The following DAO variants were observed in gnomAD, a reference collection of about 807,000 sequenced individuals.
DAO encodes D-amino acid oxidase.
In DAO, 51 loss-of-function variants were observed where a neutral mutation model predicts 50.1. The observed-to-expected ratio is 1.02, with a 90% CI of 0.81 to 1.29. The LOEUF is 1.29. DAO is among the 50% of genes most tolerant of loss of function. DAO has a pLI of 0.00. For missense variants in DAO, 436 were observed against 439.4 expected, an observed-to-expected ratio of 0.99 and a Z score of 0.07; for synonymous variants, 160 against 166.2, an observed-to-expected ratio of 0.96 and a Z score of 0.29.
chr12:108,898,645 T>C (rs765463721), intron 8 of DAO, 34 bp from the exon 9 acceptor site: 1 of 1,417,700 alleles, frequency 7.1e-7, no homozygotes, highest in Admixed American at 1.7e-5. Flanking sequence ...GCCTTCATTT[T>C]CCTTCATCCT....
At chr12:108,889,588 G>T (rs754159149) in intron 4 of DAO, 43 bp downstream of exon 4, 4 of 1,492,500 alleles carry the variant, frequency 2.7e-6, no homozygotes, top group African/African-American at 2.8e-5. Context: ...GGCCTGACGA[G>T]TTAGCAGACC....
intron 3 of DAO, among the ~76,000 whole-genome samples, chr12:108,889,234 T>C (rs1319618865): frequency 6.6e-6 from 1 of 151,990 alleles, no homozygotes; most frequent in African/African-American, 2.4e-5. Flanking sequence ...ATCTCCTGAG[T>C]ATCTAGGATT....
At chr12:108,887,699 A>T (rs2039450085) in intron 3 of DAO, 135 bp downstream of exon 3, 1 of 731,574 alleles carries the variant, frequency 1.4e-6, no homozygotes, top group Admixed American at 2.1e-5. Flanking sequence ...TGGGTTCAAA[A>T]CAGGTTTGGT....
rs1362123461 is a variant in DAO, at chr12:108,892,310, C to T, written c.453-672C>T. ...CCCGAGTAGCTTGGAATACAGGCGCCTGCCACCACGTCTGGCTAATTTTTT... is the reference window on the plus strand; with the variant it reads ...CCCGAGTAGCTTGGAATACAGGCGCTTGCCACCACGTCTGGCTAATTTTTT... On this transcript the variant is annotated intron_variant, in intron 5 of 10. Coordinates refer to ENST00000228476, the MANE Select transcript of DAO (RefSeq NM_001917.5). 2.0e-5 allele frequency among the ~76,000 whole-genome samples: 3 copies of T among 151,682 alleles called. No homozygotes were observed. In the South Asian group the frequency reaches 6.3e-4, roughly 32 times the overall value.
chr12:108,896,892 C>T, intron 7 of DAO, 114 bp from the exon 8 acceptor site: 1 of 805,576 alleles, frequency 1.2e-6, no homozygotes, highest in Admixed American at 1.8e-5. Context: ...CATGAGAGGT[C>T]TTATAAGGAA....
In DAO at chr12:108,899,431, CG is replaced by C. The variant is rs1566040987; in HGVS notation, c.870del (p.Leu291Ter). 6.2e-7 allele frequency: 1 copy of C among 1,613,672 alleles called. No individual in the cohort carries two copies. Among genetic ancestry groups the C allele is most frequent in the Non-Finnish European group, 8.5e-7 (1 of 1,179,922 alleles). On this transcript the variant is annotated frameshift_variant, in exon 10 of 11. Coordinates refer to ENST00000228476, the MANE Select transcript of DAO (RefSeq NM_001917.5). LOFTEE classifies it high-confidence loss of function. Reference sequence around the variant, plus strand: ...CTTCCGGCCAGTACGCCCCCAGATTCGGCTAGAAAGAGAACAGCTTCGCACT... The same window carrying C: ...CTTCCGGCCAGTACGCCCCCAGATTCGCTAGAAAGAGAACAGCTTCGCACT... ...TGFRPVRPQI[R>X]LEREQLRTGP...
At chr12:108,882,056 C>T (rs1167784185) in intron 1 of DAO, among the ~76,000 whole-genome samples, 1 of 152,108 alleles carries the variant, frequency 6.6e-6, no homozygotes, top group Non-Finnish European at 1.5e-5. Flanking sequence ...GCTTGATTCT[C>T]AGATTTTTCA....
intron 8 of DAO, among the ~76,000 whole-genome samples, chr12:108,898,211 G>A (rs2039582073): frequency 6.6e-6 from 1 of 152,146 alleles, no homozygotes; most frequent in Non-Finnish European, 1.5e-5. Flanking sequence ...GTCTGGTGCT[G>A]ATGAGGAGAT....
chr12:108,881,369 A>G lies in DAO; in HGVS notation c.-10+1145A>G, dbSNP rs116058582. On this transcript the variant is annotated intron_variant, in intron 1 of 10. Coordinates refer to ENST00000228476, the MANE Select transcript of DAO (RefSeq NM_001917.5). ...TGGGTGCGTTTAAGTCCAAAAGCTC[A>G]TTACCTACACGCATGAATGATTTTA... Among the ~76,000 whole-genome samples, 826 of 151,960 alleles carry G rather than the reference A, an allele frequency of 5.4e-3. 9 individuals are homozygous for G. The highest frequency in any genetic ancestry group is 0.019 in the African/African-American group (791 of 41,460).
intron 7 of DAO, among the ~76,000 whole-genome samples, chr12:108,895,448 T>G (rs1005836929): frequency 6.8e-6 from 1 of 147,556 alleles, no homozygotes; most frequent in African/African-American, 2.5e-5. Context: ...TGTGACGGTG[T>G]GTGTGCACGT....
chr12:108,891,087 C>T (rs7967357), intron 5 of DAO, among the ~76,000 whole-genome samples: 2,798 of 152,256 alleles, frequency 0.018, 91 homozygotes, highest in African/African-American at 0.064. Flanking sequence ...TCCCAAAATG[C>T]TGGGATTACA....
chr12:108,892,067 A>T (rs1479466119), intron 5 of DAO, among the ~76,000 whole-genome samples: 1 of 151,316 alleles, frequency 6.6e-6, no homozygotes, highest in Non-Finnish European at 1.5e-5. Flanking sequence ...TGAGGAAATG[A>T]TGGAAATGAG....
In DAO at chr12:108,880,181, C is replaced by T. The variant is rs1399965145; in HGVS notation, c.-53C>T. 1 of 455,392 alleles carries T rather than the reference C, an allele frequency of 2.2e-6. No individual in the cohort carries two copies. The highest frequency in any genetic ancestry group is 2.0e-5 in the African/African-American group (1 of 50,072). 28.2% of individuals were successfully genotyped at this position (455,392 alleles called of 1,614,324 possible). On this transcript the variant is annotated 5_prime_UTR_variant, in exon 1 of 11. Coordinates refer to ENST00000228476, the MANE Select transcript of DAO (RefSeq NM_001917.5). ...CCTCAGGAAATAGCATCCTGTGTCC[C>T]CGCACTGCAGTTGTCTGGTCTCTCC...
intron 3 of DAO, among the ~76,000 whole-genome samples, chr12:108,888,483 G>T (rs558010742): frequency 6.6e-6 from 1 of 151,860 alleles, no homozygotes; most frequent in African/African-American, 2.4e-5. Context: ...TTACAGGTGC[G>T]CACTACCACG....
intron 6 of DAO, 127 bp downstream of exon 6, chr12:108,893,163 C>T (rs1593163763): frequency 3.8e-6 from 3 of 786,472 alleles, no homozygotes; most frequent in Admixed American, 4.0e-5. Flanking sequence ...CAGACCCTTG[C>T]CCCAGAAGCA....
chr12:108,884,213 T>A (rs565746615), intron 1 of DAO, among the ~76,000 whole-genome samples: 3 of 152,382 alleles, frequency 2.0e-5, no homozygotes, highest in African/African-American at 7.2e-5. Flanking sequence ...ATTTGCTAGC[T>A]GCCAGCCTGG....
rs746611884 is a variant in DAO, at chr12:108,885,106, GT to G, written c.101del (p.Val34AlafsTer43). The stretch of plus-strand genomic sequence containing the variant: ...AGTCCTGCAGCCACTGGACATAAAG[GT>G]CTACGCGGACCGCTTCACCCCACTC... ...HSVLQPLDIK[V>X]YADRFTPLTT... On this transcript the variant is annotated frameshift_variant, in exon 2 of 11. Transcript: ENST00000228476. LOFTEE classifies it high-confidence loss of function. 4 of 1,614,032 alleles carry G rather than the reference GT, an allele frequency of 2.5e-6. No individual in the cohort carries two copies. In the East Asian group the frequency reaches 8.9e-5, roughly 36 times the overall value.
intron 3 of DAO, among the ~76,000 whole-genome samples, chr12:108,888,364 C>T (rs1421663133): frequency 6.7e-6 from 1 of 150,120 alleles, no homozygotes; most frequent in Non-Finnish European, 1.5e-5. Context: ...GAGACAGGGT[C>T]TCACTGTATT....
chr12:108,895,395 A>G (rs1395860184), intron 7 of DAO, among the ~76,000 whole-genome samples: 4 of 105,026 alleles, frequency 3.8e-5, no homozygotes, highest in African/African-American at 3.9e-5. Flanking sequence ...GTGTGCACAT[A>G]TGTGAGGGTG....
Sources: allele counts gnomAD v4.1 joint callset (sites outside exome capture counted in the v4.1 genomes callset), GRCh38; gene constraint gnomAD v4.1.1; transcripts MANE v1.5; gene names NCBI Gene and HGNC (gene_info 2026-07-23, HGNC 2026-07-21).